PARD3B: variants seen among roughly 807,000 people sequenced by gnomAD.
PARD3B encodes the protein par-3 family cell polarity regulator beta.
PARD3B carries 103 observed loss-of-function variants against 130.2 expected under a neutral mutation model. The ratio of observed to expected loss-of-function variants is 0.79; its 90% confidence interval spans 0.67 to 0.93. The LOEUF (loss-of-function observed/expected upper bound fraction) is 0.93, where lower values mean the gene tolerates loss of function less well. PARD3B is among the 40% of genes least tolerant of loss of function. The pLI is 0.00. For synonymous variants in PARD3B, 583 were observed against 553.2 expected (o/e 1.05, Z -0.76); for missense variants, 1,609 against 1,499.2 (o/e 1.07, Z -1.21).
At chr2:205,139,976 A>G (rs1559477884) in intron 10 of PARD3B, among the ~76,000 whole-genome samples, 1 of 152,242 alleles carries the variant, frequency 6.6e-6, no homozygotes, top group Non-Finnish European at 1.5e-5. Flanking sequence ...TACTGATCGC[A>G]TGTGAATGTC....
intron 20 of PARD3B, among the ~76,000 whole-genome samples, chr2:205,484,389 C>G (rs898511797): frequency 6.6e-6 from 1 of 152,106 alleles, no homozygotes. Context: ...TGCCTTTTGG[C>G]CTTTTTTCTT....
rs189368218 is a variant in PARD3B, at chr2:204,829,913, G to T, written c.223-135239G>T. ...ACTTGGGAGGCTGAGGCAGGAGAAT[G>T]GCGTGAACCCGGGAGGCGGAGCTTG... is the stretch of plus-strand genomic sequence containing the variant. On this transcript the variant is annotated intron_variant, in intron 2 of 22. Coordinates refer to ENST00000406610, the MANE Select transcript of PARD3B (RefSeq NM_001302769.2). Among the ~76,000 whole-genome samples, 409 of 150,580 alleles carry T rather than the reference G, an allele frequency of 2.7e-3. 1 individual carries two copies. Among genetic ancestry groups the T allele is most frequent in the African/African-American group, 9.5e-3 (385 of 40,680 alleles).
chr2:205,272,472 A>C lies in PARD3B; in HGVS notation c.2185+26650A>C, dbSNP rs1195975748. Among the ~76,000 whole-genome samples, 9 of 152,322 alleles carry C rather than the reference A, an allele frequency of 5.9e-5. No individual in the cohort carries two copies. In the East Asian group the frequency reaches 1.7e-3, roughly 29 times the overall value. On this transcript the variant is annotated intron_variant, in intron 16 of 22. Transcript: ENST00000406610. The stretch of plus-strand genomic sequence containing the variant: ...TAAGGACCATTGAATACTTATGATT[A>C]CTTGTTTTAACAATTAGGATGTGTT...
rs1696073653 is a variant in PARD3B at position 205,015,504 on chromosome 2, T to C, written c.395-32077T>C. 6.6e-6 allele frequency among the ~76,000 whole-genome samples: 1 copy of C among 152,188 alleles called. No homozygotes were observed. ...GTTCCTAGAAGATAGGGATGATGTG[T>C]TATTCATATAGGTATAACCCAGTCT... is the stretch of plus-strand genomic sequence containing the variant. On this transcript the variant is annotated intron_variant, in intron 3 of 22. Transcript: ENST00000406610. This position sits in a 1 kb window ranked among gnomAD's most constrained non-coding sequence, Gnocchi z 4.5.
chr2:205,513,869 G>A (rs1384101021), intron 21 of PARD3B, among the ~76,000 whole-genome samples: 1 of 152,116 alleles, frequency 6.6e-6, no homozygotes, highest in Non-Finnish European at 1.5e-5. Flanking sequence ...GCATAGGAAA[G>A]AGAGACTAAC....
At chr2:204,786,277 A>C (rs1288270135) in intron 2 of PARD3B, among the ~76,000 whole-genome samples, 1 of 152,176 alleles carries the variant, frequency 6.6e-6, no homozygotes, top group Non-Finnish European at 1.5e-5. Flanking sequence ...GGGATTTTAC[A>C]TTCAGGAAAT....
intron 2 of PARD3B, among the ~76,000 whole-genome samples, chr2:204,871,393 A>T (rs145237607): frequency 5.3e-5 from 8 of 152,062 alleles, no homozygotes; most frequent in Admixed American, 6.6e-5. Context: ...CTATCCTTCA[A>T]TTTTAACTTT....
intron 22 of PARD3B, among the ~76,000 whole-genome samples, chr2:205,567,219 G>A (rs907589823): frequency 6.6e-6 from 1 of 151,304 alleles, no homozygotes; most frequent in African/African-American, 2.4e-5. Flanking sequence ...GGATAGAGAG[G>A]AAGGGAACAG....
intron 16 of PARD3B, among the ~76,000 whole-genome samples, chr2:205,260,155 A>C (rs1304566201): frequency 2.0e-5 from 3 of 152,148 alleles, no homozygotes; most frequent in Non-Finnish European, 4.4e-5. Flanking sequence ...GTAGTTAATG[A>C]CAAAAAATAG....
intron 19 of PARD3B, among the ~76,000 whole-genome samples, chr2:205,433,805 T>C (rs762374764): frequency 2.0e-5 from 3 of 152,204 alleles, no homozygotes; most frequent in Non-Finnish European, 2.9e-5. Flanking sequence ...AATTTTAAGA[T>C]TCATCCCTGC....
chr2:205,188,863 A>G (rs2036242210), intron 14 of PARD3B, among the ~76,000 whole-genome samples: 1 of 152,094 alleles, frequency 6.6e-6, no homozygotes, highest in Admixed American at 6.5e-5. Context: ...CTTGTAAAAG[A>G]GAAAACTGCT....
chr2:204,616,477 A>C (rs1039869148), intron 1 of PARD3B, among the ~76,000 whole-genome samples: 9 of 152,166 alleles, frequency 5.9e-5, no homozygotes, highest in African/African-American at 1.9e-4. Context: ...ACCAAATGCT[A>C]TTGAGAACGT....
intron 4 of PARD3B, among the ~76,000 whole-genome samples, chr2:205,087,990 C>G (rs550004007): frequency 6.6e-6 from 1 of 152,268 alleles, no homozygotes; most frequent in South Asian, 2.1e-4. Flanking sequence ...GCCAATTATT[C>G]TAGTTCACAG....
intron 1 of PARD3B, among the ~76,000 whole-genome samples, chr2:204,648,327 T>C (rs2035343349): frequency 6.6e-6 from 1 of 151,204 alleles, no homozygotes; most frequent in Admixed American, 6.6e-5. Flanking sequence ...CTTTAAAATA[T>C]GTATATACTT....
chr2:204,773,485 G>T, intron 2 of PARD3B, among the ~76,000 whole-genome samples: 1 of 151,786 alleles, frequency 6.6e-6, no homozygotes, highest in South Asian at 2.1e-4. Context: ...GCATTTCAAT[G>T]GGAATAGTCA....
At chr2:204,579,523 C>G (rs1326777643) in intron 1 of PARD3B, among the ~76,000 whole-genome samples, 1 of 152,184 alleles carries the variant, frequency 6.6e-6, no homozygotes, top group African/African-American at 2.4e-5. Context: ...TGGCTCTGTT[C>G]TACTCAGTCT....
At chr2:204,662,660 A>G (rs1023428069) in intron 1 of PARD3B, among the ~76,000 whole-genome samples, 20 of 152,312 alleles carry the variant, frequency 1.3e-4, no homozygotes, top group African/African-American at 4.8e-4. Flanking sequence ...TATAATTGTT[A>G]TTGCTTGGTT....
chr2:205,185,805 C>T lies in PARD3B; in HGVS notation c.1966C>T (p.Pro656Ser). ...PNDGWAESEVPPSPTPHSALG... is the reference protein window; with the variant it reads ...PNDGWAESEVSPSPTPHSALG... ...TGACGGATGGGCCGAGAGTGAAGTT[C>T]CACCTTCTCCAACACCACATTCTGC... The change falls in exon 14 of 23, where the codon CCA (proline) becomes TCA (serine). Residue 656 changes from proline to serine, a missense_variant. Coordinates refer to ENST00000406610, the MANE Select transcript of PARD3B (RefSeq NM_001302769.2). 1 of 1,614,034 alleles carries T rather than the reference C, an allele frequency of 6.2e-7. No individual in the cohort carries two copies. The highest frequency in any genetic ancestry group is 8.5e-7 in the Non-Finnish European group (1 of 1,179,968).
At chr2:205,182,224 G>A (rs746647135) in intron 13 of PARD3B, among the ~76,000 whole-genome samples, 15 of 151,804 alleles carry the variant, frequency 9.9e-5, no homozygotes, top group Non-Finnish European at 1.5e-4. Flanking sequence ...CCCGGGAGGC[G>A]GAGTTTGCAG....
Sources: gnomAD v4.1 joint callset for allele counts (sites outside exome capture counted in the v4.1 genomes callset) on GRCh38, gnomAD v4.1.1 for gene constraint, Gnocchi (gnomAD v3.1) non-coding constraint, MANE v1.5 for transcripts, NCBI Gene and HGNC (gene_info 2026-07-23, HGNC 2026-07-21) for gene names.